KCNIP3: variants seen among roughly 807,000 people sequenced by gnomAD.
The protein encoded by KCNIP3 is potassium voltage-gated channel interacting protein 3, also known as calsenilin.
KCNIP3 carries 28 observed loss-of-function variants against 35.0 expected under a neutral mutation model. The ratio of observed to expected loss-of-function variants is 0.80; its 90% CI spans 0.59 to 1.10. The LOEUF (loss-of-function observed/expected upper bound fraction) is 1.10. Among genes scored for constraint, KCNIP3 ranks in the 50% least tolerant of loss-of-function variants. The pLI is 0.00. For missense variants in KCNIP3, 295 were observed against 338.4 expected (o/e 0.87, Z 1.01); for synonymous variants, 134 against 133.8 (o/e 1.00, Z -0.01).
intron 1 of KCNIP3, among the ~76,000 whole-genome samples, chr2:95,297,994 T>A (rs1677919138): frequency 6.6e-6 from 1 of 152,190 alleles, no homozygotes; most frequent in South Asian, 2.1e-4. Context: ...TAGGAGCCCC[T>A]AACAAGAGCA....
At chr2:95,314,162 G>A (rs2104215602) in intron 2 of KCNIP3, among the ~76,000 whole-genome samples, 1 of 152,198 alleles carries the variant, frequency 6.6e-6, no homozygotes, top group South Asian at 2.1e-4. Flanking sequence ...TGGGAAAGAG[G>A]GGTAGCAGAA....
At chr2:95,335,648 T>C (rs1679042908) in intron 2 of KCNIP3, among the ~76,000 whole-genome samples, 2 of 152,218 alleles carry the variant, frequency 1.3e-5, no homozygotes, top group Admixed American at 1.3e-4. Flanking sequence ...ATTAAACCCA[T>C]GATATGATAT....
At chr2:95,311,164 C>T (rs11164122) in intron 2 of KCNIP3, 119,831 of 156,042 alleles carry the variant, frequency 0.77, 46,571 homozygotes, top group African/African-American at 0.87. Context: ...CCTCATGCGG[C>T]CCCCACGATC....
intron 2 of KCNIP3, among the ~76,000 whole-genome samples, chr2:95,357,819 C>T (rs1446326723): frequency 2.0e-5 from 3 of 152,236 alleles, no homozygotes; most frequent in Admixed American, 1.3e-4. Context: ...GCCTGGTGCC[C>T]TGCCTTGCTG....
rs1485266599 is a variant in KCNIP3 at position 95,378,125 on chromosome 2, C to T, written c.447+2917C>T. Among the ~76,000 whole-genome samples, 2 of 152,116 alleles carry T rather than the reference C, an allele frequency of 1.3e-5. No individual in the cohort carries two copies. The highest frequency in any genetic ancestry group is 4.8e-5 in the African/African-American group (2 of 41,414). ...TAGTAGAAATATAACAATGTTTCTC[C>T]TTGTTTTTTAATTTTTATTTTTTTT... is the stretch of plus-strand genomic sequence containing the variant. On this transcript the variant is annotated intron_variant, in intron 5 of 8. Transcript: ENST00000295225. This position sits in a 1 kb window ranked among gnomAD's most constrained non-coding sequence, Gnocchi z 4.0.
At chr2:95,367,708 A>T (rs995660821) in intron 2 of KCNIP3, among the ~76,000 whole-genome samples, 11 of 152,094 alleles carry the variant, frequency 7.2e-5, no homozygotes, top group African/African-American at 2.7e-4. Flanking sequence ...TTGCATTCCA[A>T]AGGAAATTAC....
chr2:95,383,396 C>A, intron 8 of KCNIP3, 102 bp downstream of exon 8: 1 of 1,177,592 alleles, frequency 8.5e-7, no homozygotes, highest in Non-Finnish European at 1.2e-6. Context: ...CCCACCCCTG[C>A]CAGTCCAGGA....
At chr2:95,356,610 T>G (rs1219045311) in intron 2 of KCNIP3, among the ~76,000 whole-genome samples, 1 of 152,228 alleles carries the variant, frequency 6.6e-6, no homozygotes, top group Non-Finnish European at 1.5e-5. Flanking sequence ...TAGGGAATCG[T>G]TTCCCCATTT....
At chr2:95,345,795 C>A (rs996815546) in intron 2 of KCNIP3, among the ~76,000 whole-genome samples, 31 of 152,380 alleles carry the variant, frequency 2.0e-4, no homozygotes, top group African/African-American at 7.0e-4. Context: ...GCCTCGTCCT[C>A]CCCTATTTTC....
rs368310112 is a variant in KCNIP3, at chr2:95,302,247, C to T, written c.15+4794C>T. ...GGATGTCTCATGCTGGCCCTGGCCT[C>T]GGTGAAGCCCTTCCGGAAAGGAAGG... is the stretch of plus-strand genomic sequence containing the variant. On this transcript the variant is annotated intron_variant, in intron 1 of 8. Coordinates refer to ENST00000295225, the MANE Select transcript of KCNIP3 (RefSeq NM_013434.5). 1.8e-4 allele frequency among the ~76,000 whole-genome samples: 27 copies of T among 152,314 alleles called. No individual in the cohort carries two copies. In the South Asian group the frequency reaches 3.3e-3, roughly 19 times the overall value.
intron 2 of KCNIP3, among the ~76,000 whole-genome samples, chr2:95,332,165 A>G (rs1201809179): frequency 6.6e-6 from 1 of 152,218 alleles, no homozygotes; most frequent in Non-Finnish European, 1.5e-5. Context: ...GCACAGGCAA[A>G]AGGCCGGTCC....
At chr2:95,345,639 C>T (rs528465842) in intron 2 of KCNIP3, among the ~76,000 whole-genome samples, 1 of 152,374 alleles carries the variant, frequency 6.6e-6, no homozygotes, top group East Asian at 1.9e-4. Flanking sequence ...GGATGAGGTG[C>T]GGGCCGTAGC....
At chr2:95,373,568 G>A (rs1227814016) in intron 2 of KCNIP3, among the ~76,000 whole-genome samples, 19 of 152,006 alleles carry the variant, frequency 1.2e-4, no homozygotes, top group Middle Eastern at 3.4e-3. Flanking sequence ...GACTACAGGC[G>A]CCCGCCACCA....
At chr2:95,374,117 T>C (rs1340102926) in intron 2 of KCNIP3, among the ~76,000 whole-genome samples, 179 bp from the exon 3 acceptor site, 1 of 152,202 alleles carries the variant, frequency 6.6e-6, no homozygotes, top group African/African-American at 2.4e-5. Context: ...GCACAGCTCT[T>C]GTGTGGGCCA....
intron 2 of KCNIP3, chr2:95,313,430 C>T (rs1336510173): frequency 1.3e-5 from 2 of 152,472 alleles, no homozygotes; most frequent in African/African-American, 4.8e-5. Context: ...GCCCAGGAGA[C>T]TCAGAGCACA....
chr2:95,326,028 TAC>T (rs763791447), intron 2 of KCNIP3, among the ~76,000 whole-genome samples: 8 of 147,056 alleles, frequency 5.4e-5, no homozygotes, highest in East Asian at 2.0e-4. Flanking sequence ...CATTCACTCA[TAC>T]ACACATACAC....
At chr2:95,308,345 A>C (rs367649364) in intron 1 of KCNIP3, among the ~76,000 whole-genome samples, 1 of 152,150 alleles carries the variant, frequency 6.6e-6, no homozygotes, top group East Asian at 1.9e-4. Context: ...GTGTCGGAGG[A>C]AGGGTGGATG....
chr2:95,315,326 C>T (rs981018294), intron 2 of KCNIP3, among the ~76,000 whole-genome samples: 13 of 152,100 alleles, frequency 8.5e-5, no homozygotes, highest in Admixed American at 3.3e-4. Context: ...ATTGAATCTA[C>T]GGTGTTTCGT....
chr2:95,373,264 C>G (rs1401903355), intron 2 of KCNIP3, among the ~76,000 whole-genome samples: 1 of 152,154 alleles, frequency 6.6e-6, no homozygotes, highest in African/African-American at 2.4e-5. Context: ...GCTGTTTCAG[C>G]CCTAGCTTTA....
Sources: gnomAD v4.1 joint callset for allele counts (sites outside exome capture counted in the v4.1 genomes callset) on GRCh38, gnomAD v4.1.1 for gene constraint, Gnocchi (gnomAD v3.1) non-coding constraint, MANE v1.5 for transcripts, NCBI Gene and HGNC (gene_info 2026-07-23, HGNC 2026-07-21) for gene names.